SLC4A4: variants seen among roughly 807,000 people sequenced by gnomAD.
The protein encoded by SLC4A4 is solute carrier family 4 member 4.
Under a neutral mutation model 111.5 loss-of-function variants are expected in SLC4A4, and 27 were observed. The observed-to-expected ratio is 0.24, with a 90% CI of 0.18 to 0.33. The LOEUF (loss-of-function observed/expected upper bound fraction) is 0.33. Ranked by LOEUF, SLC4A4 falls within the 10% of genes least tolerant of loss-of-function variation. The probability of loss-of-function intolerance (pLI) is 1.00; values close to 1 mark genes in which losing one functional copy is unlikely to be tolerated. For missense variants in SLC4A4, 909 were observed against 1,315.5 expected (o/e 0.69, Z 4.78); for synonymous variants, 443 against 463.4 (o/e 0.96, Z 0.57).
chr4:71,280,976 A>G (rs1723469128), intron 3 of SLC4A4, among the ~76,000 whole-genome samples: 1 of 152,200 alleles, frequency 6.6e-6, no homozygotes, highest in Non-Finnish European at 1.5e-5. Flanking sequence ...AATGTCTGCT[A>G]CAGGAAGTGG....
intron 2 of SLC4A4, among the ~76,000 whole-genome samples, chr4:71,247,376 A>G (rs906325852): frequency 4.7e-5 from 7 of 150,008 alleles, no homozygotes; most frequent in Admixed American, 4.7e-4. Flanking sequence ...ATATTATATT[A>G]AATAGTTGAT....
intron 1 of SLC4A4, among the ~76,000 whole-genome samples, chr4:71,226,148 T>C (rs1285983624): frequency 4.6e-5 from 7 of 152,196 alleles, no homozygotes; most frequent in Admixed American, 4.6e-4. Context: ...ATTATTTTTT[T>C]TTAGAGATAG....
chr4:71,288,242 C>A lies in SLC4A4; in HGVS notation c.253+32843C>A, dbSNP rs190333375. ...TGACTTACTTGAAAGCCATGAGTGACGGATCTGGGATATATAAGTTTAGGC... is the reference window on the plus strand; with the variant it reads ...TGACTTACTTGAAAGCCATGAGTGAAGGATCTGGGATATATAAGTTTAGGC... On this transcript the variant is annotated intron_variant, in intron 3 of 25. Coordinates refer to ENST00000264485, the MANE Select transcript of SLC4A4 (RefSeq NM_001098484.3). 9.9e-5 allele frequency among the ~76,000 whole-genome samples: 15 copies of A among 152,122 alleles called. No homozygotes were observed. In the East Asian group the frequency reaches 2.9e-3, roughly 29 times the overall value.
At chr4:71,490,259 A>C (rs1414271621) in intron 15 of SLC4A4, among the ~76,000 whole-genome samples, 1 of 151,874 alleles carries the variant, frequency 6.6e-6, no homozygotes, top group Non-Finnish European at 1.5e-5. Flanking sequence ...ACCAGATTTC[A>C]AAATCAAATG....
In SLC4A4 at chr4:71,158,141, G is replaced by GTGTCTC. The variant is rs1449317425; in HGVS notation, c.-2+65350_-2+65351insGTCTCT. On this transcript the variant is annotated intron_variant, in intron 2 of 26. Transcript: ENST00000649996. ...TGTGTGTGTGTGTGTGTGTGTGTGT[G>GTGTCTC]TCTCTCTCTCTCTCTCTCTTTCTCT... is the stretch of plus-strand genomic sequence containing the variant. Among the ~76,000 whole-genome samples, 8 of 120,418 alleles carry GTGTCTC rather than the reference G, an allele frequency of 6.6e-5. No homozygotes were observed. In the South Asian group the frequency reaches 1.9e-3, roughly 28 times the overall value. The allele number at this position is 120,418 out of a possible 152,430, so 79.0% of individuals were successfully genotyped here. A position where few individuals can be genotyped will look rare whatever the true frequency, so the allele number is the denominator to read the frequency against.
chr4:71,418,954 C>G (rs1722080538), intron 7 of SLC4A4, among the ~76,000 whole-genome samples: 2 of 152,182 alleles, frequency 1.3e-5, no homozygotes, highest in African/African-American at 4.8e-5. Flanking sequence ...TGCTAGAGGT[C>G]CACTCCAGAC....
chr4:71,397,015 T>A (rs887270217), intron 6 of SLC4A4, among the ~76,000 whole-genome samples: 1 of 152,218 alleles, frequency 6.6e-6, no homozygotes, highest in Non-Finnish European at 1.5e-5. Flanking sequence ...CTACATCAGA[T>A]GCCCACTAAT....
At chr4:71,426,007 G>C (rs1467752386) in intron 7 of SLC4A4, among the ~76,000 whole-genome samples, 2 of 152,012 alleles carry the variant, frequency 1.3e-5, no homozygotes, top group Admixed American at 1.3e-4. Context: ...GCTTTGTAGG[G>C]CCATTTCAAA....
In SLC4A4 at chr4:71,164,313, G is replaced by A. The variant is rs1744684130; in HGVS notation, c.-2+71521G>A. On this transcript the variant is annotated intron_variant, in intron 2 of 26. Transcript: ENST00000649996. ...GGAGAATCGCTTGAACCTGGGAGGT[G>A]GAGGTTGTAGGGAGCCGAGATCGTG... is the stretch of plus-strand genomic sequence containing the variant. 2.0e-5 allele frequency among the ~76,000 whole-genome samples: 3 copies of A among 151,870 alleles called. No homozygotes were observed. In the South Asian group the frequency reaches 6.3e-4, roughly 32 times the overall value.
intron 1 of SLC4A4, among the ~76,000 whole-genome samples, chr4:71,225,626 A>AC (rs1718998574): frequency 1.3e-5 from 2 of 152,218 alleles, no homozygotes; most frequent in African/African-American, 2.4e-5. Flanking sequence ...GGGTAGAGGT[A>AC]GGAAGGTTTG....
chr4:71,181,761 A>G (rs1049926173), intron 2 of SLC4A4, among the ~76,000 whole-genome samples: 70 of 152,204 alleles, frequency 4.6e-4, no homozygotes, highest in African/African-American at 1.4e-3. Context: ...TTGTTGATTC[A>G]GATTTGTCCT....
At chr4:71,153,957 G>A (rs1245438274) in intron 2 of SLC4A4, among the ~76,000 whole-genome samples, 1 of 152,168 alleles carries the variant, frequency 6.6e-6, no homozygotes, top group Admixed American at 6.5e-5. Flanking sequence ...AGGAGAGAGT[G>A]ATGAGGCAGT....
intron 13 of SLC4A4, among the ~76,000 whole-genome samples, chr4:71,471,088 C>A (rs1727824401): frequency 6.6e-6 from 1 of 151,920 alleles, no homozygotes; most frequent in African/African-American, 2.4e-5. Context: ...ACTTTAAATT[C>A]TAATATTCTA....
intron 2 of SLC4A4, among the ~76,000 whole-genome samples, chr4:71,143,219 A>T (rs1017508645): frequency 3.9e-4 from 59 of 151,132 alleles, no homozygotes; most frequent in Non-Finnish European, 4.0e-4. Context: ...TGTCCTTGTG[A>T]TAGTTTGCTG....
intron 1 of SLC4A4, among the ~76,000 whole-genome samples, chr4:71,227,913 G>C (rs1449888847): frequency 6.6e-6 from 1 of 152,180 alleles, no homozygotes; most frequent in Non-Finnish European, 1.5e-5. Context: ...AAAGTATTTG[G>C]TTTCTGACAG....
intron 14 of SLC4A4, among the ~76,000 whole-genome samples, chr4:71,485,627 C>T (rs999702969): frequency 2.6e-5 from 4 of 151,526 alleles, no homozygotes; most frequent in African/African-American, 9.7e-5. Context: ...ACTCTGGCAA[C>T]AGCTAGCTTT....
chr4:71,270,789 T>C (rs144428445), intron 3 of SLC4A4, among the ~76,000 whole-genome samples: 1 of 152,282 alleles, frequency 6.6e-6, no homozygotes, highest in African/African-American at 2.4e-5. Context: ...CCTCAACCTT[T>C]CCTTGCATGG....
chr4:71,495,123 G>A (rs1044574614), intron 15 of SLC4A4, among the ~76,000 whole-genome samples: 5 of 151,960 alleles, frequency 3.3e-5, no homozygotes, highest in Non-Finnish European at 4.4e-5. Flanking sequence ...AATCATTTGA[G>A]GCTTACAAAA....
Position 71,449,175 on chromosome 4 carries a change from G to A in SLC4A4, c.1054-1214G>A, listed in dbSNP as rs150551033. Among the ~76,000 whole-genome samples, 252 of 152,188 alleles carry A rather than the reference G, an allele frequency of 1.7e-3. 3 individuals carry two copies. The highest frequency in any genetic ancestry group is 0.015 in the Admixed American group (236 of 15,278). On this transcript the variant is annotated intron_variant, in intron 9 of 25. Transcript: ENST00000264485. ...TTGCTAAATTTATGATCTTAAAATAGCATGTTTTCTTTTCCTGTCAGTATG... is the reference window on the plus strand; with the variant it reads ...TTGCTAAATTTATGATCTTAAAATAACATGTTTTCTTTTCCTGTCAGTATG...
Sources: gnomAD v4.1 joint callset for allele counts (sites outside exome capture counted in the v4.1 genomes callset) on GRCh38, gnomAD v4.1.1 for gene constraint, MANE v1.5 for transcripts, NCBI Gene and HGNC (gene_info 2026-07-23, HGNC 2026-07-21) for gene names.